CRMP1: variants seen among roughly 807,000 people sequenced by gnomAD.
CRMP1 encodes dihydropyrimidinase-related protein 1.
In CRMP1, 19 loss-of-function variants were observed where a neutral mutation model predicts 68.3. That is an observed-to-expected ratio of 0.28 (90% CI 0.19 to 0.41). CRMP1 has a LOEUF of 0.41. Ranked by LOEUF, CRMP1 falls within the 10% of genes least tolerant of loss-of-function variation. CRMP1 has a pLI of 1.00. For missense variants in CRMP1, 791 were observed against 967.4 expected, an observed-to-expected ratio of 0.82 and a Z score of 2.42; for synonymous variants, 439 against 399.6, an observed-to-expected ratio of 1.10 and a Z score of -1.18.
intron 12 of CRMP1, among the ~76,000 whole-genome samples, chr4:5,827,299 T>G (rs948005527): frequency 6.6e-6 from 1 of 152,178 alleles, no homozygotes; most frequent in African/African-American, 2.4e-5. Flanking sequence ...TGAGTCCCCT[T>G]GTCCTCATAT....
In CRMP1 at chr4:5,842,662, ACT is replaced by A. The variant is rs1560496274; in HGVS notation, c.1032+429_1032+430del. Among the ~76,000 whole-genome samples, 2 of 147,788 alleles carry A rather than the reference ACT, an allele frequency of 1.4e-5. No individual in the cohort carries two copies. The highest frequency in any genetic ancestry group is 2.6e-5 in the African/African-American group (1 of 37,958). On this transcript the variant is annotated intron_variant, in intron 7 of 13. Transcript: ENST00000324989. The surrounding 1 kb of genome is among the most constrained non-coding windows in gnomAD (Gnocchi z 4.5). ...CGCACTGTCTCTCTCACACACACAC[ACT>A]AACATACACACACTCACACACACAC... is the stretch of plus-strand genomic sequence containing the variant.
chr4:5,867,907 AACACACAC>A (rs141328248), intron 1 of CRMP1, among the ~76,000 whole-genome samples: 2 of 150,002 alleles, frequency 1.3e-5, no homozygotes, highest in African/African-American at 2.4e-5. Flanking sequence ...TGGATAGATA[AACACACAC>A]ACACACACAC....
intron 4 of CRMP1, among the ~76,000 whole-genome samples, chr4:5,852,216 C>G (rs141296852): frequency 6.6e-6 from 1 of 152,308 alleles, no homozygotes; most frequent in Non-Finnish European, 1.5e-5. Context: ...ACAGCTGCTC[C>G]GTCAGGGAGA....
intron 1 of CRMP1, among the ~76,000 whole-genome samples, chr4:5,885,536 G>A (rs1156551345): frequency 1.3e-5 from 2 of 152,124 alleles, no homozygotes; most frequent in African/African-American, 4.8e-5. Flanking sequence ...GGAAGCAGAG[G>A]GTGGGCTCTC....
At chr4:5,823,586 T>TA (rs1378472606) in intron 13 of CRMP1, among the ~76,000 whole-genome samples, 1 of 152,212 alleles carries the variant, frequency 6.6e-6, no homozygotes, top group East Asian at 1.9e-4. Context: ...GTGTCAGCCT[T>TA]ACAGTAATGA....
intron 3 of CRMP1, among the ~76,000 whole-genome samples, chr4:5,857,530 C>G (rs530485834): frequency 6.6e-6 from 1 of 152,332 alleles, no homozygotes; most frequent in South Asian, 2.1e-4. Context: ...ATCATCATAA[C>G]TATTTATGGA....
In CRMP1 at chr4:5,828,594, G is replaced by C; in HGVS notation, c.1698C>G (p.Ile566Met). 1 of 1,614,164 alleles carries C rather than the reference G, an allele frequency of 6.2e-7. No homozygotes were observed. The highest frequency in any genetic ancestry group is 2.2e-5 in the East Asian group (1 of 44,882). ...SPLVVISQGK[I>M]VFEDGNINVN... is the part of the protein sequence containing the mutation. ...CGTTGATGTTTCCGTCTTCAAAGAC[G>C]ATCTTGCCCTGGCTGATGACCACTA... is the stretch of plus-strand genomic sequence containing the variant. The change falls in exon 12 of 14, where the codon ATC becomes ATG. Residue 566 changes from isoleucine to methionine, a missense_variant. Transcript: ENST00000324989.
chr4:5,877,989 A>C lies in CRMP1; in HGVS notation c.382-11233T>G, dbSNP rs1188031479. On this transcript the variant is annotated intron_variant, in intron 1 of 13. Coordinates refer to ENST00000324989, the MANE Select transcript of CRMP1 (RefSeq NM_001014809.3). This position sits in a 1 kb window ranked among gnomAD's most constrained non-coding sequence, Gnocchi z 4.3. ...TGTTCTGGTCTGTGCTTCTTGCTTT[A>C]TAGAAAGAAATCCGAACAGAACTCC... Among the ~76,000 whole-genome samples, 1 of 152,266 alleles carries C rather than the reference A, an allele frequency of 6.6e-6. No homozygotes were observed. Among genetic ancestry groups the C allele is most frequent in the East Asian group, 1.9e-4 (1 of 5,200 alleles).
chr4:5,869,807 G>C (rs1167135350), intron 1 of CRMP1, among the ~76,000 whole-genome samples: 2 of 152,122 alleles, frequency 1.3e-5, no homozygotes, highest in African/African-American at 2.4e-5. Context: ...CTGGGAGGTG[G>C]TTCCAGGGTC....
Position 5,873,541 on chromosome 4 carries a change from G to A in CRMP1, c.382-6785C>T, listed in dbSNP as rs114405631. The stretch of plus-strand genomic sequence containing the variant: ...GGGGTGGGGGGTGAGCACCTCACAG[G>A]AAGAAGAGAGAGAGTGGGGAGGTAC... On this transcript the variant is annotated intron_variant, in intron 1 of 13. Coordinates refer to ENST00000324989, the MANE Select transcript of CRMP1 (RefSeq NM_001014809.3). Among the ~76,000 whole-genome samples, 682 of 152,166 alleles carry A rather than the reference G, an allele frequency of 4.5e-3. 2 individuals carry two copies. The highest frequency in any genetic ancestry group is 0.016 in the African/African-American group (661 of 41,514).
rs114597714 is a variant in CRMP1, at chr4:5,858,156, C to T, written c.656-1849G>A. On this transcript the variant is annotated intron_variant, in intron 3 of 13. Transcript: ENST00000324989. The surrounding 1 kb of genome is among the most constrained non-coding windows in gnomAD (Gnocchi z 5.5). ...CTTCTCTCCAGCTTCCATGGCAACGCCACCTTCTGGCTTTTTCGTTCCTTT... is the reference window on the plus strand; with the variant it reads ...CTTCTCTCCAGCTTCCATGGCAACGTCACCTTCTGGCTTTTTCGTTCCTTT... Among the ~76,000 whole-genome samples, 628 of 152,216 alleles carry T rather than the reference C, an allele frequency of 4.1e-3. 3 individuals are homozygous for T. Among genetic ancestry groups the T allele is most frequent in the African/African-American group, 0.015 (609 of 41,526 alleles).
chr4:5,874,096 A>C (rs1054238519), intron 1 of CRMP1, among the ~76,000 whole-genome samples: 1 of 152,234 alleles, frequency 6.6e-6, no homozygotes, highest in African/African-American at 2.4e-5. Flanking sequence ...AAAGGCCTTA[A>C]CAATGTTCAT....
chr4:5,826,796 C>G (rs1719699452), intron 12 of CRMP1: 1 of 152,670 alleles, frequency 6.6e-6, no homozygotes, highest in Non-Finnish European at 1.5e-5. Flanking sequence ...CTCCCTCCTT[C>G]TCTGCAGGTG....
At chr4:5,868,261 C>CTATCTATATATA (rs1210674102) in intron 1 of CRMP1, among the ~76,000 whole-genome samples, 25 of 111,436 alleles carry the variant, frequency 2.2e-4, no homozygotes, top group Non-Finnish European at 3.7e-4. Flanking sequence ...GACTATATAT[C>CTATCTATATATA]TATATATATA....
rs762526560 is a variant in CRMP1 at position 5,843,614 on chromosome 4, G to A, written c.964-453C>T. ...CTGGGAGTCCAGATCCAGAACAGCC[G>A]TCTCTGTGACTTTGGGCAGGTTGGT... On this transcript the variant is annotated intron_variant, in intron 6 of 13. Transcript: ENST00000324989. The surrounding 1 kb of genome is among the most constrained non-coding windows in gnomAD (Gnocchi z 4.1). Among the ~76,000 whole-genome samples, 5 of 152,106 alleles carry A rather than the reference G, an allele frequency of 3.3e-5. No homozygotes were observed. The highest frequency in any genetic ancestry group is 5.9e-5 in the Non-Finnish European group (4 of 68,024).
intron 6 of CRMP1, among the ~76,000 whole-genome samples, chr4:5,844,877 G>T (rs73797927): frequency 0.041 from 6,217 of 152,278 alleles, 358 homozygotes; most frequent in African/African-American, 0.13. Flanking sequence ...TGAACCTATG[G>T]TTAATAAAAG....
rs1306168274 is a variant in CRMP1, at chr4:5,866,936, T to A, written c.382-180A>T. On this transcript the variant is annotated intron_variant, in intron 1 of 13. Coordinates refer to ENST00000324989, the MANE Select transcript of CRMP1 (RefSeq NM_001014809.3). This position sits in a 1 kb window ranked among gnomAD's most constrained non-coding sequence, Gnocchi z 5.9. ...CTATCCAATACTTCCTATTCTCCTT[T>A]CACCTTTCTCCCCTCTCACTTTGTT... Among the ~76,000 whole-genome samples the A allele has an allele frequency of 7.2e-5, 11 of 152,232 alleles. No individual in the cohort carries two copies. Among genetic ancestry groups the A allele is most frequent in the Admixed American group, 7.2e-4 (11 of 15,278 alleles).
chr4:5,840,532 G>T (rs182427067), intron 8 of CRMP1, among the ~76,000 whole-genome samples: 78 of 152,358 alleles, frequency 5.1e-4, no homozygotes, highest in African/African-American at 1.8e-3. Flanking sequence ...CTGCAGCGAG[G>T]GGGGTGCCCT....
chr4:5,871,983 T>G (rs1714486884), intron 1 of CRMP1, among the ~76,000 whole-genome samples: 2 of 152,206 alleles, frequency 1.3e-5, no homozygotes, highest in African/African-American at 4.8e-5. Flanking sequence ...AGGTGTGACC[T>G]CCAGGTTCAC....
Sources: gnomAD v4.1 joint callset for allele counts (sites outside exome capture counted in the v4.1 genomes callset) on GRCh38, gnomAD v4.1.1 for gene constraint, Gnocchi (gnomAD v3.1) non-coding constraint, MANE v1.5 for transcripts, NCBI Gene and HGNC (gene_info 2026-07-23, HGNC 2026-07-21) for gene names.